The following PPP1R42 variants were observed in gnomAD, a reference collection of about 807,000 sequenced individuals.
PPP1R42 encodes leucine rich repeat containing 67.
In PPP1R42, 34 loss-of-function variants were observed where a neutral mutation model predicts 31.0. That is an observed-to-expected ratio of 1.10 (90% confidence interval 0.83 to 1.46). PPP1R42 has a LOEUF of 1.46. PPP1R42 is among the 40% of genes most tolerant of loss of function. The pLI, the probability that PPP1R42 is intolerant of heterozygous loss-of-function variation, is 0.00. For missense variants in PPP1R42, 268 were observed against 303.0 expected, an observed-to-expected ratio of 0.88 and a Z score of 0.86; for synonymous variants, 103 against 109.8, an observed-to-expected ratio of 0.94 and a Z score of 0.39.
chr8:66,968,564 G>T, intron 7 of PPP1R42: 1 of 817,070 alleles, frequency 1.2e-6, no homozygotes, highest in Non-Finnish European at 1.5e-6. Flanking sequence ...CAATTTTCTA[G>T]AAACTAAAAA....
Position 66,964,303 on chromosome 8 carries a change from G to T in PPP1R42, c.*18C>A. 3 of 1,278,932 alleles carry T rather than the reference G, an allele frequency of 2.3e-6. No homozygotes were observed. The highest frequency in any genetic ancestry group is 2.0e-6 in the Non-Finnish European group (2 of 984,922). 79.2% of individuals were successfully genotyped at this position (1,278,932 alleles called of 1,614,324 possible). On this transcript the variant is annotated 3_prime_UTR_variant, in exon 8 of 8. Transcript: ENST00000685739. Reference sequence around the variant, plus strand: ...GGTTCATGCACATCATTTTTTGTCAGCAAGCTTTCAGATTGCTTCAAAGAG... The same window carrying T: ...GGTTCATGCACATCATTTTTTGTCATCAAGCTTTCAGATTGCTTCAAAGAG...
chr8:66,985,364 A>G (rs953591122), intron 6 of PPP1R42: 1 of 759,470 alleles, frequency 1.3e-6, no homozygotes, highest in African/African-American at 1.7e-5. Flanking sequence ...CCCTCCGAAG[A>G]GGGAACAGCA....
At chr8:67,025,552 T>C (rs1187201367) in intron 1 of PPP1R42, among the ~76,000 whole-genome samples, 1 of 151,914 alleles carries the variant, frequency 6.6e-6, no homozygotes, top group East Asian at 1.9e-4. Flanking sequence ...GGGTTTTTTT[T>C]TTTTTTGTGG....
Position 67,014,453 on chromosome 8 carries a change from A to G in PPP1R42, c.269T>C (p.Leu90Pro), listed in dbSNP as rs749217516. The part of the protein sequence containing the change: ...QNNCISCIEN[L>P]RSLKKLEKLY... ...TTTTTCCAGTTTCTTTAATGACCTG[A>G]GGTTCTCTATACATGAAATACAATT... Residue 90 changes from leucine to proline, a missense_variant, in exon 3 of 8, where the codon CTC becomes CCC. Physicochemically the swap from Leu to Pro is moderately conservative, Grantham distance 98. Transcript: ENST00000685739. 1.9e-6 allele frequency: 3 copies of G among 1,549,860 alleles called. No homozygotes were observed. Among genetic ancestry groups the G allele is most frequent in the Non-Finnish European group, 1.7e-6 (2 of 1,152,156 alleles).
chr8:66,970,759 G>A (rs2130911802), intron 7 of PPP1R42: 2 of 526,032 alleles, frequency 3.8e-6, no homozygotes, highest in African/African-American at 1.9e-5. Flanking sequence ...CCAGTCTAAC[G>A]CCGAAGTCTT....
chr8:66,972,174 T>C (rs1814555204), intron 7 of PPP1R42, among the ~76,000 whole-genome samples: 1 of 152,236 alleles, frequency 6.6e-6, no homozygotes, highest in Admixed American at 6.5e-5. Flanking sequence ...AGTTATTGTA[T>C]ATTACATACG....
In PPP1R42 at chr8:67,014,488, G is replaced by C. The variant is rs768920172; in HGVS notation, c.234C>G (p.Tyr78Ter). The change falls in exon 3 of 8, where the codon TAC (tyrosine) becomes TAG (stop). Residue 78 changes from tyrosine (Y) to a stop codon, truncating the protein, a stop_gained. Coordinates refer to ENST00000685739, the MANE Select transcript of PPP1R42 (RefSeq NM_001364910.1). LOFTEE classifies it high-confidence loss of function. Reference protein sequence around the residue: ...LNYATNLTHLYLQNNCISCIE... With the variant: ...LNYATNLTHL ...TACATGAAATACAATTGTTTTGTAGGTACAAGTGGGTCAGATTTGTGGCAT... is the reference window on the plus strand; with the variant it reads ...TACATGAAATACAATTGTTTTGTAGCTACAAGTGGGTCAGATTTGTGGCAT... 10 of 1,594,908 alleles carry C rather than the reference G, an allele frequency of 6.3e-6. No homozygotes were observed. Among genetic ancestry groups the C allele is most frequent in the Admixed American group, 3.4e-5 (2 of 58,216 alleles).
At chr8:66,999,501 A>G (rs1310879651) in intron 5 of PPP1R42, among the ~76,000 whole-genome samples, 1 of 152,116 alleles carries the variant, frequency 6.6e-6, no homozygotes, top group Non-Finnish European at 1.5e-5. Context: ...GATTACAGGC[A>G]TGAGCCCTGG....
At chr8:67,023,801 TGTAA>T (rs1816296059) in intron 1 of PPP1R42, among the ~76,000 whole-genome samples, 1 of 152,090 alleles carries the variant, frequency 6.6e-6, no homozygotes, top group South Asian at 2.1e-4. Context: ...TGATATCTGC[TGTAA>T]GTTTTTTTTT....
chr8:66,998,916 A>G (rs968284132), intron 5 of PPP1R42, among the ~76,000 whole-genome samples: 13 of 151,760 alleles, frequency 8.6e-5, no homozygotes, highest in Admixed American at 2.6e-4. Flanking sequence ...TTTTTTTTAT[A>G]TATTTCTGGG....
intron 7 of PPP1R42, among the ~76,000 whole-genome samples, chr8:66,976,831 A>T (rs372796906): frequency 1.3e-5 from 2 of 152,196 alleles, no homozygotes; most frequent in East Asian, 3.9e-4. Context: ...GCAATTCTGT[A>T]TCTTGGCTAT....
chr8:66,985,555 C>T, intron 6 of PPP1R42: 1 of 1,325,008 alleles, frequency 7.5e-7, no homozygotes, highest in East Asian at 2.3e-5. Flanking sequence ...GTTGGCATTG[C>T]TGATGAGTCC....
chr8:67,007,189 C>T (rs1330212690), intron 5 of PPP1R42, among the ~76,000 whole-genome samples: 14 of 151,866 alleles, frequency 9.2e-5, no homozygotes, highest in Admixed American at 9.2e-4. Context: ...AGGGTAGAGA[C>T]TTTGTCTTAT....
intron 2 of PPP1R42, among the ~76,000 whole-genome samples, chr8:67,017,266 C>G (rs180856323): frequency 2.4e-4 from 36 of 152,152 alleles, no homozygotes; most frequent in African/African-American, 7.7e-4. Flanking sequence ...TTCTTGAGCT[C>G]AGAAGTCTGA....
intron 5 of PPP1R42, among the ~76,000 whole-genome samples, chr8:66,997,623 T>C (rs1815370456): frequency 6.7e-6 from 1 of 149,178 alleles, no homozygotes; most frequent in Non-Finnish European, 1.5e-5. Context: ...CATGGCCCAA[T>C]GTAGCCACGA....
Position 66,971,193 on chromosome 8 carries a change from T to G in PPP1R42, c.803-6859A>C, listed in dbSNP as rs1173349989. On this transcript the variant is annotated intron_variant, in intron 7 of 7. Coordinates refer to ENST00000685739, the MANE Select transcript of PPP1R42 (RefSeq NM_001364910.1). ...TCTGCTTTGAAATTAATAACTAAAT[T>G]TTTAAAAAGGGTATAACAATATTAG... The G allele has an allele frequency of 2.3e-6, 3 of 1,328,038 alleles. No individual in the cohort carries two copies. In the African/African-American group the frequency reaches 4.5e-5, roughly 20 times the overall value. The allele number at this position is 1,328,038 out of a possible 1,614,324, so 82.3% of individuals were successfully genotyped here.
chr8:66,971,647 A>C (rs1320546498), intron 7 of PPP1R42, among the ~76,000 whole-genome samples: 1 of 152,174 alleles, frequency 6.6e-6, no homozygotes, highest in Non-Finnish European at 1.5e-5. Context: ...ATAAATGTTT[A>C]TTAAATGTTT....
At chr8:66,990,668 CT>C (rs1288966660) in intron 5 of PPP1R42, among the ~76,000 whole-genome samples, 2 of 152,206 alleles carry the variant, frequency 1.3e-5, no homozygotes, top group Non-Finnish European at 2.9e-5. Flanking sequence ...AATGCTCTCT[CT>C]ACCATTAATG....
At chr8:66,997,468 T>TC (rs1380522894) in intron 5 of PPP1R42, among the ~76,000 whole-genome samples, 2 of 148,118 alleles carry the variant, frequency 1.4e-5, no homozygotes, top group African/African-American at 5.0e-5. Flanking sequence ...CCCAGCTAAT[T>TC]AAAAAAAAAG....
Sources: allele counts gnomAD v4.1 joint callset (sites outside exome capture counted in the v4.1 genomes callset), GRCh38; gene constraint gnomAD v4.1.1; transcripts MANE v1.5; gene names NCBI Gene and HGNC (gene_info 2026-07-23, HGNC 2026-07-21).